The following ADNP2 variants were observed in gnomAD, a reference collection of about 807,000 sequenced individuals.
The protein encoded by ADNP2 is activity-dependent neuroprotector homeobox protein 2.
ADNP2 carries 8 observed loss-of-function variants against 16.4 expected under a neutral mutation model. That is an observed-to-expected ratio of 0.49 (90% CI 0.29 to 0.88). The LOEUF (loss-of-function observed/expected upper bound fraction) is 0.88. Ranked by LOEUF, ADNP2 falls within the 40% of genes least tolerant of loss-of-function variation. The pLI is 0.09. For missense variants in ADNP2, 1,397 were observed against 1,395.1 expected, an observed-to-expected ratio of 1.00 and a Z score of -0.02; for synonymous variants, 637 against 545.8, an observed-to-expected ratio of 1.17 and a Z score of -2.33.
intron 2 of ADNP2, among the ~76,000 whole-genome samples, chr18:80,132,610 T>G (rs1270539513): frequency 6.6e-6 from 1 of 151,940 alleles, no homozygotes; most frequent in Non-Finnish European, 1.5e-5. Flanking sequence ...TCTCTTTCTC[T>G]TTCTCTTTCT....
intron 1 of ADNP2, chr18:80,109,702 G>GGCCCGCCCCGCCCGCC (rs1274920700): frequency 2.0e-5 from 3 of 150,364 alleles, no homozygotes; most frequent in Middle Eastern, 3.4e-3. Context: ...ACGCGCCCGC[G>GGCCCGCCCCGCCCGCC]GCCCGCCCCG....
At chr18:80,134,360 A>G (rs949400621) in intron 3 of ADNP2, among the ~76,000 whole-genome samples, 2 of 151,580 alleles carry the variant, frequency 1.3e-5, no homozygotes, top group African/African-American at 4.9e-5. Context: ...CTCTGTCAAA[A>G]AAAACAAAAA....
At position 80,137,443 on chromosome 18, in the gene ADNP2, C is replaced by T. The variant is rs1043326566; in HGVS notation, c.2030C>T (p.Ser677Phe). The T allele has an allele frequency of 1.4e-5, 22 of 1,614,074 alleles. No homozygotes were observed. Among genetic ancestry groups the T allele is most frequent in the Non-Finnish European group, 1.6e-5 (19 of 1,180,042 alleles). ...NAAQSVFVQA[S>F]SSAADTNQVL... Reference sequence around the variant, plus strand: ...GCTCAGAGCGTGTTTGTTCAGGCCTCCTCCTCTGCAGCAGACACAAACCAG... The same window carrying T: ...GCTCAGAGCGTGTTTGTTCAGGCCTTCTCCTCTGCAGCAGACACAAACCAG... The change falls in exon 4 of 4, where the codon TCC becomes TTC. Residue 677 changes from serine (S) to phenylalanine (F), a missense_variant. Physicochemically the swap from Ser to Phe is radical, Grantham distance 155. This residue lies in a region of ADNP2 where 611 missense variants were observed against 648.7 expected (regional missense o/e 0.94). Transcript: ENST00000262198. This position sits in a 1 kb window ranked among gnomAD's most constrained non-coding sequence, Gnocchi z 4.2.
chr18:80,123,064 G>T (rs2052435179), intron 2 of ADNP2, among the ~76,000 whole-genome samples: 1 of 151,938 alleles, frequency 6.6e-6, no homozygotes, highest in Non-Finnish European at 1.5e-5. Context: ...TGCCAATTGT[G>T]ATAACCATGT....
intron 2 of ADNP2, among the ~76,000 whole-genome samples, chr18:80,126,695 T>G (rs1331590176): frequency 6.6e-6 from 1 of 152,248 alleles, no homozygotes; most frequent in African/African-American, 2.4e-5. Context: ...GTGTGTCTTT[T>G]GCTTAGAGTC....
intron 2 of ADNP2, among the ~76,000 whole-genome samples, chr18:80,119,954 C>T (rs1319494527): frequency 6.6e-6 from 1 of 152,160 alleles, no homozygotes; most frequent in East Asian, 1.9e-4. Flanking sequence ...CTTGGGACTA[C>T]AGTGGAATGT....
chr18:80,129,196 C>G (rs2052480459), intron 2 of ADNP2, among the ~76,000 whole-genome samples: 1 of 146,972 alleles, frequency 6.8e-6, no homozygotes, highest in Non-Finnish European at 1.5e-5. Context: ...CTCTGCCTCC[C>G]TGGTTCAAGC....
chr18:80,113,761 A>G (rs912602547), intron 1 of ADNP2, among the ~76,000 whole-genome samples: 10 of 152,212 alleles, frequency 6.6e-5, no homozygotes, highest in African/African-American at 2.4e-4. Flanking sequence ...TAATTGCAAC[A>G]TGGTGAGTCG....
At chr18:80,112,773 C>T (rs556058893) in intron 1 of ADNP2, among the ~76,000 whole-genome samples, 9 of 152,152 alleles carry the variant, frequency 5.9e-5, no homozygotes, top group Non-Finnish European at 1.2e-4. Context: ...TAAAAGTCCA[C>T]CAGTCTTTGT....
At chr18:80,124,935 A>G (rs1486474429) in intron 2 of ADNP2, among the ~76,000 whole-genome samples, 6 of 152,242 alleles carry the variant, frequency 3.9e-5, no homozygotes, top group South Asian at 2.1e-4. Context: ...TTCATAATAT[A>G]TAGGCCCAAC....
At chr18:80,121,101 T>A (rs12962889) in intron 2 of ADNP2, among the ~76,000 whole-genome samples, 27,718 of 152,224 alleles carry the variant, frequency 0.18, 2,785 homozygotes, top group Middle Eastern at 0.25. Flanking sequence ...CTACCAGAAG[T>A]GTACAAGAAT....
chr18:80,126,440 A>G (rs2052459429), intron 2 of ADNP2, among the ~76,000 whole-genome samples: 1 of 152,152 alleles, frequency 6.6e-6, no homozygotes, highest in Non-Finnish European at 1.5e-5. Context: ...GAAGGACTTC[A>G]TATTTTGTAG....
At chr18:80,121,357 G>T (rs1199276813) in intron 2 of ADNP2, among the ~76,000 whole-genome samples, 3 of 152,174 alleles carry the variant, frequency 2.0e-5, no homozygotes, top group African/African-American at 7.2e-5. Context: ...AAAAATGCCT[G>T]TTGGCAGGTT....
chr18:80,109,713 C>A (rs2052344562), intron 1 of ADNP2: 1 of 151,080 alleles, frequency 6.6e-6, no homozygotes, highest in Non-Finnish European at 1.5e-5. Context: ...GCCCGCCCCG[C>A]CCGCCGCCGG....
chr18:80,109,644 G>A (rs2052343849), intron 1 of ADNP2, 172 bp downstream of exon 1: 7 of 149,548 alleles, frequency 4.7e-5, no homozygotes, highest in Admixed American at 2.7e-4. Context: ...ATCCCGGGAC[G>A]TTCTCAGGGC....
At position 80,139,733 on chromosome 18, in the gene ADNP2, C is replaced by A. The variant is rs907302181; in HGVS notation, c.*924C>A. The A allele has an allele frequency of 5.2e-5, 8 of 152,514 alleles. No homozygotes were observed. The highest frequency in any genetic ancestry group is 1.7e-4 in the African/African-American group (7 of 41,516). 9.4% of individuals were successfully genotyped at this position (152,514 alleles called of 1,614,324 possible). A position where few individuals can be genotyped will look rare whatever the true frequency, so the allele number is the denominator to read the frequency against. ...ATACTCAGGAATAAGATTATTGCCC[C>A]TGAGTGTGAAAACTAACTTAAATTT... is the stretch of plus-strand genomic sequence containing the variant. On this transcript the variant is annotated 3_prime_UTR_variant, in exon 4 of 4. Transcript: ENST00000262198.
chr18:80,116,671 CTG>C (rs1169083477), intron 1 of ADNP2, among the ~76,000 whole-genome samples: 1 of 152,054 alleles, frequency 6.6e-6, no homozygotes, highest in Non-Finnish European at 1.5e-5. Context: ...GGGTCTCACT[CTG>C]TTGCTCAGGC....
chr18:80,128,611 C>G (rs1208649290), intron 2 of ADNP2, among the ~76,000 whole-genome samples: 1 of 152,146 alleles, frequency 6.6e-6, no homozygotes, highest in East Asian at 1.9e-4. Flanking sequence ...GATTGCACCA[C>G]TGCACTCCAG....
At chr18:80,132,721 GTC>G (rs1295863954) in intron 2 of ADNP2, among the ~76,000 whole-genome samples, 3 of 123,038 alleles carry the variant, frequency 2.4e-5, no homozygotes, top group African/African-American at 3.3e-5. Flanking sequence ...CCCTCTTTCT[GTC>G]TCTCTCTCTC....
Sources: gnomAD v4.1 joint callset for allele counts (sites outside exome capture counted in the v4.1 genomes callset) on GRCh38, gnomAD v4.1.1 for gene constraint, gnomAD v4.1.1 regional missense constraint, Gnocchi (gnomAD v3.1) non-coding constraint, MANE v1.5 for transcripts, NCBI Gene and HGNC (gene_info 2026-07-23, HGNC 2026-07-21) for gene names.